The following TAOK1 variants were observed in gnomAD, a reference collection of about 807,000 sequenced individuals.
TAOK1 encodes the protein serine/threonine-protein kinase TAO1.
Under a neutral mutation model 138.3 loss-of-function variants are expected in TAOK1, and 21 were observed. The observed-to-expected ratio is 0.15, with a 90% CI of 0.11 to 0.22. The LOEUF (loss-of-function observed/expected upper bound fraction) is 0.22, where lower values mean the gene tolerates loss of function less well. Among genes scored for constraint, TAOK1 ranks in the 10% least tolerant of loss-of-function variants. TAOK1 has a pLI of 1.00. For synonymous variants in TAOK1, 361 were observed against 398.4 expected (o/e 0.91, Z 1.12); for missense variants, 651 against 1,227.7 (o/e 0.53, Z 7.02).
Position 29,547,185 on chromosome 17 carries a change from G to A in TAOK1, c.*4163G>A, listed in dbSNP as rs1422476731. 1.3e-5 allele frequency: 2 copies of A among 152,088 alleles called. No homozygotes were observed. Among genetic ancestry groups the A allele is most frequent in the African/African-American group, 4.8e-5 (2 of 41,422 alleles). The allele number at this position is 152,088 out of a possible 1,614,324, so 9.4% of individuals were successfully genotyped here. ...ATGTGCTTTCTATATGTATTTCTTA[G>A]TAGTGATACCATTGATCCTCTTACT... On this transcript the variant is annotated 3_prime_UTR_variant, in exon 20 of 20. Coordinates refer to ENST00000261716, the MANE Select transcript of TAOK1 (RefSeq NM_020791.4).
rs1472365535 is a variant in TAOK1 at position 29,545,960 on chromosome 17, A to G, written c.*2938A>G. On this transcript the variant is annotated 3_prime_UTR_variant, in exon 20 of 20. Coordinates refer to ENST00000261716, the MANE Select transcript of TAOK1 (RefSeq NM_020791.4). The stretch of plus-strand genomic sequence containing the variant: ...AAGTTCCTTGGGGTCACTCTATCTC[A>G]CATTTTTTTTGGTTAGCATTTTAAA... 1 of 152,076 alleles carries G rather than the reference A, an allele frequency of 6.6e-6. No individual in the cohort carries two copies. Among genetic ancestry groups the G allele is most frequent in the African/African-American group, 2.4e-5 (1 of 41,430 alleles). 9.4% of individuals were successfully genotyped at this position (152,076 alleles called of 1,614,324 possible).
chr17:29,472,418 G>A lies in TAOK1; in HGVS notation c.205-3252G>A, dbSNP rs2030840334. Among the ~76,000 whole-genome samples, 3 of 151,784 alleles carry A rather than the reference G, an allele frequency of 2.0e-5. No homozygotes were observed. The South Asian group carries it at 6.3e-4, about 32-fold the overall frequency. ...TAGGCCTGCATCCCCATGCCTGGCT[G>A]ATTTTTGTATTATTAGTAGAGACAG... On this transcript the variant is annotated intron_variant, in intron 3 of 19. Transcript: ENST00000261716.
intron 1 of TAOK1, among the ~76,000 whole-genome samples, chr17:29,432,357 T>G (rs1464554035): frequency 6.6e-6 from 1 of 152,236 alleles, no homozygotes; most frequent in African/African-American, 2.4e-5. Context: ...CAGTTTTCCA[T>G]CCTGGGTGGG....
At chr17:29,485,408 GGAA>G (rs2153027152) in intron 8 of TAOK1, among the ~76,000 whole-genome samples, 1 of 152,072 alleles carries the variant, frequency 6.6e-6, no homozygotes, top group African/African-American at 2.4e-5. Context: ...AGGCCAAGGC[GGAA>G]GAATTGCTTA....
At chr17:29,391,620 G>A (rs1351723647) in intron 1 of TAOK1, among the ~76,000 whole-genome samples, 1 of 152,182 alleles carries the variant, frequency 6.6e-6, no homozygotes, top group Non-Finnish European at 1.5e-5. Context: ...AAGTAATGGC[G>A]CTTCCCTTGA....
chr17:29,454,717 T>C (rs1302413564), intron 2 of TAOK1, among the ~76,000 whole-genome samples: 1 of 152,040 alleles, frequency 6.6e-6, no homozygotes, highest in Non-Finnish European at 1.5e-5. Context: ...TTTTTTTGTT[T>C]TTGAGACGGA....
At chr17:29,461,173 A>G (rs955942234) in intron 2 of TAOK1, among the ~76,000 whole-genome samples, 3 of 152,186 alleles carry the variant, frequency 2.0e-5, no homozygotes, top group Non-Finnish European at 2.9e-5. Context: ...GTGATCCTGG[A>G]TTAGAAAAAA....
At chr17:29,473,589 ACT>A (rs1167889116) in intron 3 of TAOK1, among the ~76,000 whole-genome samples, 2 of 144,328 alleles carry the variant, frequency 1.4e-5, no homozygotes, top group African/African-American at 5.2e-5. Flanking sequence ...GCAGAGTGAA[ACT>A]CTCAAAAAAA....
chr17:29,459,952 A>G (rs2030493828), intron 2 of TAOK1, among the ~76,000 whole-genome samples: 1 of 152,126 alleles, frequency 6.6e-6, no homozygotes, highest in South Asian at 2.1e-4. Context: ...TCCTTCTGTA[A>G]AGATGTGGTG....
At chr17:29,451,077 T>A (rs1271984923) in intron 1 of TAOK1, among the ~76,000 whole-genome samples, 1 of 152,218 alleles carries the variant, frequency 6.6e-6, no homozygotes, top group African/African-American at 2.4e-5. Flanking sequence ...AGAAAAGAAG[T>A]TTCCTGTTGT....
chr17:29,439,205 T>C (rs1039492654), intron 1 of TAOK1, among the ~76,000 whole-genome samples: 2 of 146,304 alleles, frequency 1.4e-5, no homozygotes, highest in African/African-American at 2.7e-5. Context: ...CTTTCTTTTT[T>C]TTTTTTTTTT....
chr17:29,414,458 C>T (rs1029643064), intron 1 of TAOK1, among the ~76,000 whole-genome samples: 4 of 151,558 alleles, frequency 2.6e-5, no homozygotes, highest in Admixed American at 1.3e-4. Flanking sequence ...CCATGTTGGC[C>T]GGGCTGGTCT....
chr17:29,475,066 G>A (rs1194449292), intron 3 of TAOK1, among the ~76,000 whole-genome samples: 1 of 151,752 alleles, frequency 6.6e-6, no homozygotes, highest in East Asian at 1.9e-4. Context: ...TCAGCCTCCC[G>A]AGTACCTGGG....
intron 18 of TAOK1, chr17:29,530,860 C>T (rs1312389206): frequency 1.9e-6 from 1 of 532,214 alleles, no homozygotes; most frequent in African/African-American, 1.9e-5. Context: ...CAGCACAGAT[C>T]CTAACACCTT....
intron 1 of TAOK1, among the ~76,000 whole-genome samples, chr17:29,423,532 A>G (rs66700449): frequency 0.14 from 21,164 of 151,780 alleles, 1,586 homozygotes; most frequent in South Asian, 0.24. Context: ...TAATATAAGG[A>G]TTTAATGTTA....
intron 18 of TAOK1, among the ~76,000 whole-genome samples, chr17:29,532,681 G>A (rs1598526504): frequency 6.6e-6 from 1 of 152,124 alleles, no homozygotes; most frequent in Non-Finnish European, 1.5e-5. Flanking sequence ...CAGATCAACA[G>A]GATCCCCAGG....
chr17:29,537,685 T>A (rs2032246482), intron 19 of TAOK1, among the ~76,000 whole-genome samples: 1 of 151,774 alleles, frequency 6.6e-6, no homozygotes, highest in Non-Finnish European at 1.5e-5. Context: ...AAATGTTAAG[T>A]GTTTAAAACT....
chr17:29,442,364 C>T (rs1237007498), intron 1 of TAOK1, among the ~76,000 whole-genome samples: 3 of 150,022 alleles, frequency 2.0e-5, no homozygotes, highest in Non-Finnish European at 4.5e-5. Flanking sequence ...GCCACTTTTT[C>T]TCTTTTTATG....
chr17:29,514,418 T>A (rs1279992166), intron 15 of TAOK1: 1 of 152,184 alleles, frequency 6.6e-6, no homozygotes, highest in Non-Finnish European at 1.5e-5. Context: ...TGGAGTGCAG[T>A]GGCACAATAC....
Sources: allele counts gnomAD v4.1 joint callset (sites outside exome capture counted in the v4.1 genomes callset), GRCh38; gene constraint gnomAD v4.1.1; transcripts MANE v1.5; gene names NCBI Gene and HGNC (gene_info 2026-07-23, HGNC 2026-07-21).